Variants in TMTC2 observed in about 807,000 individuals in gnomAD.
TMTC2 encodes the protein protein O-mannosyl-transferase TMTC2.
Under a neutral mutation model 82.4 loss-of-function variants are expected in TMTC2, and 43 were observed. That is an observed-to-expected ratio of 0.52 (90% CI 0.41 to 0.67). The LOEUF is 0.67. Ranked by LOEUF, TMTC2 falls within the 30% of genes least tolerant of loss-of-function variation. TMTC2 has a pLI of 0.00. For missense variants in TMTC2, 919 were observed against 1,012.4 expected, an observed-to-expected ratio of 0.91 and a Z score of 1.25; for synonymous variants, 408 against 381.9, an observed-to-expected ratio of 1.07 and a Z score of -0.80.
chr12:82,904,643 C>T (rs979486821), intron 3 of TMTC2, among the ~76,000 whole-genome samples: 18 of 152,168 alleles, frequency 1.2e-4, no homozygotes, highest in Non-Finnish European at 2.1e-4. Flanking sequence ...TCTCTGATGA[C>T]GCCTTAATGA....
intron 1 of TMTC2, among the ~76,000 whole-genome samples, chr12:82,784,551 G>C (rs1459960992): frequency 1.3e-5 from 2 of 152,116 alleles, no homozygotes; most frequent in Non-Finnish European, 2.9e-5. Context: ...TTTACTGCCA[G>C]TGGGAAAGCT....
intron 11 of TMTC2, among the ~76,000 whole-genome samples, chr12:83,065,751 C>T (rs1035516659): frequency 1.3e-4 from 20 of 151,796 alleles, no homozygotes; most frequent in Non-Finnish European, 2.9e-4. Flanking sequence ...CTCTCAAGGA[C>T]TAGAGGGGAT....
At position 82,894,965 on chromosome 12, in the gene TMTC2, ATTT is replaced by A. The variant is rs538079811; in HGVS notation, c.655-832_655-830del. ...CAGGTGCACACCACCATGCCTGGCAATTTTTTTTTTTTTTTTTTTTTTTAGTAG... is the reference window on the plus strand; with the variant it reads ...CAGGTGCACACCACCATGCCTGGCAATTTTTTTTTTTTTTTTTTTTAGTAG... On this transcript the variant is annotated intron_variant, in intron 2 of 11. Coordinates refer to ENST00000321196, the MANE Select transcript of TMTC2 (RefSeq NM_152588.3). Among the ~76,000 whole-genome samples, 57 of 122,404 alleles carry A rather than the reference ATTT, an allele frequency of 4.7e-4. 1 individual carries two copies. The highest frequency in any genetic ancestry group is 4.2e-4 in the Admixed American group (5 of 11,924). 80.3% of individuals were successfully genotyped at this position (122,404 alleles called of 152,430 possible). A position where few individuals can be genotyped will look rare whatever the true frequency, so the allele number is the denominator to read the frequency against.
intron 2 of TMTC2, among the ~76,000 whole-genome samples, chr12:82,893,655 T>C (rs1873512758): frequency 1.3e-5 from 2 of 152,274 alleles, no homozygotes; most frequent in South Asian, 4.2e-4. Flanking sequence ...ACCTATTCTT[T>C]TGCTTCTCTT....
intron 1 of TMTC2, among the ~76,000 whole-genome samples, chr12:82,850,262 G>A (rs775917253): frequency 6.6e-5 from 10 of 152,126 alleles, no homozygotes; most frequent in Non-Finnish European, 8.8e-5. Flanking sequence ...TGTGAAAAGC[G>A]TCATTAACAT....
intron 1 of TMTC2, among the ~76,000 whole-genome samples, chr12:82,737,562 G>T (rs534908338): frequency 7.1e-4 from 108 of 152,220 alleles, no homozygotes; most frequent in African/African-American, 2.5e-3. Flanking sequence ...CAGGAAGGGA[G>T]CAGGAAGTAG....
chr12:82,774,377 T>G (rs1213756736), intron 1 of TMTC2, among the ~76,000 whole-genome samples: 1 of 152,116 alleles, frequency 6.6e-6, no homozygotes, highest in Non-Finnish European at 1.5e-5. Context: ...TCCCAGCACT[T>G]TGGGAGGCTG....
intron 11 of TMTC2, among the ~76,000 whole-genome samples, chr12:83,093,186 C>T (rs374674678): frequency 7.9e-5 from 12 of 151,982 alleles, no homozygotes; most frequent in Middle Eastern, 3.2e-3. Context: ...GACTAGTCTA[C>T]GACATAAAGA....
intron 4 of TMTC2, among the ~76,000 whole-genome samples, chr12:82,963,800 T>C (rs1420905664): frequency 0.17 from 1,784 of 10,616 alleles, 552 homozygotes; most frequent in African/African-American, 0.2. Flanking sequence ...TTCATATATA[T>C]ATATATATAT....
intron 2 of TMTC2, among the ~76,000 whole-genome samples, chr12:82,875,173 A>G (rs1872421273): frequency 1.3e-5 from 2 of 152,194 alleles, no homozygotes; most frequent in African/African-American, 2.4e-5. Context: ...ACTCATATGT[A>G]TGAGTAATTC....
At chr12:82,853,659 A>G (rs762847747) in intron 1 of TMTC2, among the ~76,000 whole-genome samples, 2 of 152,168 alleles carry the variant, frequency 1.3e-5, no homozygotes, top group African/African-American at 4.8e-5. Context: ...GGAAAAGATG[A>G]TTCTTCATTC....
At chr12:82,699,301 G>A (rs60728587) in intron 1 of TMTC2, among the ~76,000 whole-genome samples, 1 of 152,088 alleles carries the variant, frequency 6.6e-6, no homozygotes, top group Admixed American at 6.5e-5. Context: ...TTTCTTTTCT[G>A]TTGCTTTTCC....
chr12:82,999,734 C>T (rs571884009), intron 8 of TMTC2, among the ~76,000 whole-genome samples: 1 of 152,324 alleles, frequency 6.6e-6, no homozygotes, highest in East Asian at 1.9e-4. Context: ...GACCCACCAG[C>T]ATGATTCAGT....
chr12:82,823,270 G>A (rs1321584079), intron 1 of TMTC2, among the ~76,000 whole-genome samples: 1 of 151,910 alleles, frequency 6.6e-6, no homozygotes. Flanking sequence ...CACAGAACTC[G>A]GGACCACCAT....
Position 82,985,990 on chromosome 12 carries a change from T to A in TMTC2, c.2014T>A (p.Ser672Thr). The change falls in exon 8 of 12, where the codon TCC (serine) becomes ACC (threonine). Residue 672 changes from serine (S) to threonine (T), a missense_variant. Physicochemically the swap from Ser to Thr is moderately conservative, Grantham distance 58. Transcript: ENST00000321196. ...AEHWYMESLRSKTDHIPAHLT... is the reference protein window; with the variant it reads ...AEHWYMESLRTKTDHIPAHLT... ...GCATTGGTATATGGAATCACTGAGA[T>A]CCAAGACTGACCACATCCCTGCTCA... 1.9e-6 allele frequency: 3 copies of A among 1,614,030 alleles called. No individual in the cohort carries two copies. The highest frequency in any genetic ancestry group is 2.5e-6 in the Non-Finnish European group (3 of 1,179,940).
intron 7 of TMTC2, among the ~76,000 whole-genome samples, chr12:82,972,017 TC>T (rs1156858650): frequency 2.0e-5 from 3 of 152,152 alleles, no homozygotes; most frequent in African/African-American, 4.8e-5. Flanking sequence ...AAATATTTTG[TC>T]TGTAGCTATA....
At chr12:83,012,903 A>G (rs931618610) in intron 8 of TMTC2, among the ~76,000 whole-genome samples, 4 of 152,294 alleles carry the variant, frequency 2.6e-5, no homozygotes, top group African/African-American at 7.2e-5. Context: ...TATAGGGATT[A>G]TAATATTTAT....
At chr12:82,994,025 G>A (rs1323884916) in intron 8 of TMTC2, among the ~76,000 whole-genome samples, 2 of 152,144 alleles carry the variant, frequency 1.3e-5, no homozygotes, top group African/African-American at 4.8e-5. Context: ...GGGTGCTTGG[G>A]TGCTAGTGAG....
At position 82,895,888 on chromosome 12, in the gene TMTC2, G is replaced by A. The variant is rs772835599; in HGVS notation, c.725G>A (p.Arg242Gln). 8.1e-6 allele frequency: 13 copies of A among 1,613,800 alleles called. No homozygotes were observed. The highest frequency in any genetic ancestry group is 1.0e-5 in the Non-Finnish European group (12 of 1,179,946). The stretch of plus-strand genomic sequence containing the variant: ...TGGGGTTCCTCCCTTTTGGGTGCCC[G>A]GTTATACTGGATGGGAAACAAACCA... ...IFWGSSLLGARLYWMGNKPPS... is the reference protein window; with the variant it reads ...IFWGSSLLGAQLYWMGNKPPS... The change falls in exon 3 of 12, where the codon CGG becomes CAG. Residue 242 changes from arginine (R) to glutamine (Q), a missense_variant. Transcript: ENST00000321196.
Sources: allele counts gnomAD v4.1 joint callset (sites outside exome capture counted in the v4.1 genomes callset), GRCh38; gene constraint gnomAD v4.1.1; transcripts MANE v1.5; gene names NCBI Gene and HGNC (gene_info 2026-07-23, HGNC 2026-07-21).